P3H2: variants seen among roughly 807,000 people sequenced by gnomAD.
P3H2 encodes the protein prolyl 3-hydroxylase 2.
A neutral mutation model predicts 87.0 loss-of-function variants in P3H2; 80 were observed. That is an observed-to-expected ratio of 0.92 (90% CI 0.77 to 1.11). P3H2 has a LOEUF of 1.11. Among genes scored for constraint, P3H2 ranks in the 50% least tolerant of loss-of-function variants. The probability of loss-of-function intolerance (pLI) is 0.00; values close to 1 mark genes in which losing one functional copy is unlikely to be tolerated. For missense variants in P3H2, 1,001 were observed against 923.9 expected (o/e 1.08, Z -1.08); for synonymous variants, 367 against 359.3 (o/e 1.02, Z -0.24).
chr3:190,056,900 C>A (rs1412610829), intron 1 of P3H2, among the ~76,000 whole-genome samples: 1 of 152,150 alleles, frequency 6.6e-6, no homozygotes, highest in Non-Finnish European at 1.5e-5. Context: ...GAATATGCTT[C>A]CCAAGCCTCA....
At chr3:190,058,767 A>G (rs1726245961) in intron 1 of P3H2, among the ~76,000 whole-genome samples, 1 of 152,172 alleles carries the variant, frequency 6.6e-6, no homozygotes, top group Non-Finnish European at 1.5e-5. Flanking sequence ...AAAAGGTCAC[A>G]GTGTTCTGTC....
intron 1 of P3H2, among the ~76,000 whole-genome samples, chr3:190,023,048 G>T (rs560424657): frequency 6.6e-6 from 1 of 152,052 alleles, no homozygotes; most frequent in East Asian, 1.9e-4. Flanking sequence ...GGATGGTCTC[G>T]ATCTCCTGAC....
chr3:190,054,490 G>T (rs2108962932), intron 1 of P3H2, among the ~76,000 whole-genome samples: 1 of 152,090 alleles, frequency 6.6e-6, no homozygotes, highest in African/African-American at 2.4e-5. Flanking sequence ...TAGTTCAGCT[G>T]TTTGACACTA....
At chr3:190,052,813 A>G (rs1266358669) in intron 1 of P3H2, among the ~76,000 whole-genome samples, 1 of 152,092 alleles carries the variant, frequency 6.6e-6, no homozygotes, top group East Asian at 1.9e-4. Flanking sequence ...GAATTTTGGC[A>G]TATGCATTCC....
At chr3:190,051,173 A>G (rs970346988) in intron 1 of P3H2, among the ~76,000 whole-genome samples, 36 of 152,184 alleles carry the variant, frequency 2.4e-4, no homozygotes, top group African/African-American at 8.2e-4. Context: ...TGATGCGGGT[A>G]CAGGTTAGGA....
At chr3:189,964,235 G>A (rs748572073) in intron 13 of P3H2, 137 bp from the exon 14 acceptor site, 20 of 803,358 alleles carry the variant, frequency 2.5e-5, no homozygotes, top group Non-Finnish European at 4.0e-5. Context: ...TGAAGATGAT[G>A]TAAATTATCT....
intron 1 of P3H2, among the ~76,000 whole-genome samples, chr3:190,042,428 T>TG (rs1725665462): frequency 5.3e-5 from 8 of 150,702 alleles, no homozygotes; most frequent in African/African-American, 2.0e-4. Flanking sequence ...TTGTAAGATT[T>TG]TGTGTGTGTG....
intron 1 of P3H2, among the ~76,000 whole-genome samples, chr3:190,013,063 C>G (rs994530528): frequency 6.6e-6 from 1 of 152,196 alleles, no homozygotes; most frequent in African/African-American, 2.4e-5. Flanking sequence ...GCATCAAACA[C>G]TGACTGAGAG....
chr3:190,080,721 T>C (rs1380424961), intron 1 of P3H2, among the ~76,000 whole-genome samples: 1 of 152,092 alleles, frequency 6.6e-6, no homozygotes, highest in Non-Finnish European at 1.5e-5. Flanking sequence ...GCATTTTTTC[T>C]AACCCCAACT....
At chr3:189,986,073 A>G (rs1005159857) in intron 6 of P3H2, among the ~76,000 whole-genome samples, 3 of 152,218 alleles carry the variant, frequency 2.0e-5, no homozygotes, top group African/African-American at 2.4e-5. Flanking sequence ...TGGGTGTGAT[A>G]GCATTGTGAC....
chr3:190,115,883 C>G (rs1275655867), intron 1 of P3H2, among the ~76,000 whole-genome samples: 1 of 152,182 alleles, frequency 6.6e-6, no homozygotes, highest in African/African-American at 2.4e-5. Context: ...TCACCCAACT[C>G]AGACCTACTG....
chr3:189,987,422 T>C, intron 5 of P3H2, 105 bp downstream of exon 5: 1 of 1,354,940 alleles, frequency 7.4e-7, no homozygotes, highest in South Asian at 1.3e-5. Context: ...GAGGTTGCGG[T>C]GAGCCAAGAT....
At chr3:190,120,978 C>G (rs1049338589), upstream of P3H2, 36 of 523,434 alleles carry the variant, frequency 6.9e-5, no homozygotes, top group Non-Finnish European at 9.5e-5. Context: ...CTCCGAGAGC[C>G]GCTCTCCCAG....
chr3:189,980,110 T>A (rs1723484657), intron 8 of P3H2, among the ~76,000 whole-genome samples: 1 of 152,324 alleles, frequency 6.6e-6, no homozygotes, highest in African/African-American at 2.4e-5. Flanking sequence ...GGTCACCCCA[T>A]CTTAATGCTT....
chr3:190,021,585 A>G (rs1724928458), intron 1 of P3H2, among the ~76,000 whole-genome samples: 3 of 134,798 alleles, frequency 2.2e-5, no homozygotes. Context: ...TTTCAGTTTT[A>G]AAAAATAAAA....
At chr3:190,067,919 A>G (rs145538838) in intron 1 of P3H2, among the ~76,000 whole-genome samples, 8 of 152,274 alleles carry the variant, frequency 5.3e-5, no homozygotes, top group African/African-American at 1.9e-4. Context: ...AAGAAGACCT[A>G]AGAAAAAAAT....
rs1184790020 is a variant in P3H2 at position 189,987,245 on chromosome 3, C to T, written c.1098+282G>A. On this transcript the variant is annotated intron_variant, in intron 5 of 14. Coordinates refer to ENST00000319332, the MANE Select transcript of P3H2 (RefSeq NM_018192.4). ...ATCCCAGCACTTTGGGAGGACGAGG[C>T]GGGCAGATCACCTGAGGTCGGGAGT... Among the ~76,000 whole-genome samples, 6 of 151,982 alleles carry T rather than the reference C, an allele frequency of 3.9e-5. No individual in the cohort carries two copies. The South Asian group carries it at 6.2e-4, about 16-fold the overall frequency.
intron 14 of P3H2, among the ~76,000 whole-genome samples, chr3:189,962,701 A>C (rs1461374512): frequency 6.6e-6 from 1 of 152,234 alleles, no homozygotes; most frequent in Non-Finnish European, 1.5e-5. Flanking sequence ...GCTCTTCTGT[A>C]CAATAAAAGG....
chr3:189,966,021 GA>G (rs1278151302), intron 13 of P3H2, among the ~76,000 whole-genome samples: 2 of 131,084 alleles, frequency 1.5e-5, no homozygotes, highest in African/African-American at 5.6e-5. Context: ...GAGAAAGAAA[GA>G]AAAAGAGAGA....
Sources: allele counts gnomAD v4.1 joint callset (sites outside exome capture counted in the v4.1 genomes callset), GRCh38; gene constraint gnomAD v4.1.1; transcripts MANE v1.5; gene names NCBI Gene and HGNC (gene_info 2026-07-23, HGNC 2026-07-21).